TICRR: variants seen among roughly 807,000 people sequenced by gnomAD.
The protein encoded by TICRR is TOPBP1 interacting checkpoint and replication regulator, also known as treslin.
In TICRR, 132 loss-of-function variants were observed where a neutral mutation model predicts 178.1. The observed-to-expected ratio is 0.74, with a 90% CI of 0.64 to 0.86. TICRR has a LOEUF of 0.86. Ranked by LOEUF, TICRR falls within the 40% of genes least tolerant of loss-of-function variation. TICRR has a pLI of 0.00. For synonymous variants in TICRR, 991 were observed against 900.7 expected (o/e 1.10, Z -1.79); for missense variants, 2,587 against 2,334.3 (o/e 1.11, Z -2.23).
At chr15:89,622,670 C>G (rs1963445830) in intron 19 of TICRR, among the ~76,000 whole-genome samples, 1 of 152,186 alleles carries the variant, frequency 6.6e-6, no homozygotes, top group South Asian at 2.1e-4. Flanking sequence ...CAGGGTCTTC[C>G]GTGGTCTGTT....
In TICRR at chr15:89,627,165, C is replaced by A. The variant is rs1470016512; in HGVS notation, c.*79C>A. 30 of 1,565,370 alleles carry A rather than the reference C, an allele frequency of 1.9e-5. No individual in the cohort carries two copies. The highest frequency in any genetic ancestry group is 2.2e-5 in the Non-Finnish European group (25 of 1,146,148). Reference sequence around the variant, plus strand: ...CATAAAGAAGTTGGATGCCTGGTCCCAAGCCTCTTTTGCCATGGTCAGTGT... The same window carrying A: ...CATAAAGAAGTTGGATGCCTGGTCCAAAGCCTCTTTTGCCATGGTCAGTGT... On this transcript the variant is annotated 3_prime_UTR_variant, in exon 22 of 22. Transcript: ENST00000268138.
chr15:89,617,404 T>A (rs1457968491), intron 16 of TICRR, among the ~76,000 whole-genome samples: 1 of 152,236 alleles, frequency 6.6e-6, no homozygotes, highest in Non-Finnish European at 1.5e-5. Context: ...ATGTTGCTGC[T>A]CATTACTGTG....
chr15:89,606,745 T>G (rs1299684553), intron 13 of TICRR, 23 bp from the exon 14 acceptor site: 1 of 1,610,642 alleles, frequency 6.2e-7, no homozygotes, highest in African/African-American at 1.3e-5. Flanking sequence ...TAAATTTTCT[T>G]TCTGGATTTT....
In TICRR at chr15:89,594,482, C is replaced by G. The variant is rs919848685; in HGVS notation, c.1609C>G (p.Leu537Val). 3 of 1,612,692 alleles carry G rather than the reference C, an allele frequency of 1.9e-6. No homozygotes were observed. The highest frequency in any genetic ancestry group is 2.5e-6 in the Non-Finnish European group (3 of 1,179,462). ...SKTEGELIHCLAELYQRKSRE... is the reference protein window; with the variant it reads ...SKTEGELIHCVAELYQRKSRE... ...AACTGAAGGCGAATTAATACATTGCCTTGCCGAGCTCTACCAGAGAAAATC... is the reference window on the plus strand; with the variant it reads ...AACTGAAGGCGAATTAATACATTGCGTTGCCGAGCTCTACCAGAGAAAATC... Residue 537 changes from leucine to valine, a missense_variant, in exon 6 of 22, where the codon CTT becomes GTT. Coordinates refer to ENST00000268138, the MANE Select transcript of TICRR (RefSeq NM_152259.4).
chr15:89,624,085 G>A lies in TICRR; in HGVS notation c.3775G>A (p.Gly1259Ser), dbSNP rs200572844. 1.9e-5 allele frequency: 31 copies of A among 1,613,630 alleles called. No individual in the cohort carries two copies. Among genetic ancestry groups the A allele is most frequent in the Non-Finnish European group, 2.5e-5 (29 of 1,179,984 alleles). Residue 1259 changes from glycine (G) to serine (S), a missense_variant, in exon 20 of 22, where the codon GGC becomes AGC. Transcript: ENST00000268138. The stretch of plus-strand genomic sequence containing the variant: ...ACCTCCGAGAGCAGCAGCCTTCATG[G>A]GCACGCCTCAGAATCAAACACACCA... ...RTPPRAAAFM[G>S]TPQNQTHQQP...
chr15:89,619,998 AG>A (rs1157582677), intron 18 of TICRR, among the ~76,000 whole-genome samples, 156 bp downstream of exon 18: 1 of 152,222 alleles, frequency 6.6e-6, no homozygotes, highest in Non-Finnish European at 1.5e-5. Context: ...CTAGATGGAC[AG>A]TCCATGACTT....
At chr15:89,579,423 G>T (rs964498946) in intron 1 of TICRR, among the ~76,000 whole-genome samples, 1 of 152,140 alleles carries the variant, frequency 6.6e-6, no homozygotes, top group Non-Finnish European at 1.5e-5. Context: ...TCGGCTCACT[G>T]CAACCTCCGC....
rs1200213412 is a variant in TICRR, at chr15:89,627,022, G to A, written c.5669G>A (p.Arg1890Lys). Reference sequence around the variant, plus strand: ...CCTTTCAGTCGCGCTTTCTCCAGGAGGCGCCCCATCAGCAGAACTTATACA... The same window carrying A: ...CCTTTCAGTCGCGCTTTCTCCAGGAAGCGCCCCATCAGCAGAACTTATACA... ...DSPFSRAFSR[R>K]RPISRTYTRK... Residue 1890 changes from arginine to lysine, a missense_variant, in exon 22 of 22, where the codon AGG becomes AAG. Coordinates refer to ENST00000268138, the MANE Select transcript of TICRR (RefSeq NM_152259.4). 6.2e-7 allele frequency: 1 copy of A among 1,613,988 alleles called. No homozygotes were observed. The highest frequency in any genetic ancestry group is 8.5e-7 in the Non-Finnish European group (1 of 1,180,020).
chr15:89,593,394 A>C (rs962835670), intron 5 of TICRR, among the ~76,000 whole-genome samples: 2 of 152,150 alleles, frequency 1.3e-5, no homozygotes, highest in Non-Finnish European at 2.9e-5. Flanking sequence ...GAGTTTGAAG[A>C]TAGTATGATT....
chr15:89,594,300 G>C (rs993027918), intron 5 of TICRR, 115 bp from the exon 6 acceptor site: 11 of 861,872 alleles, frequency 1.3e-5, no homozygotes, highest in Admixed American at 3.0e-5. Flanking sequence ...AAGGCATCTT[G>C]TGGGGACATC....
In TICRR at chr15:89,607,268, AT is replaced by A. The variant is rs1360013883; in HGVS notation, c.2722+447del. Among the ~76,000 whole-genome samples the A allele has an allele frequency of 4.6e-5, 7 of 152,248 alleles. No homozygotes were observed. The East Asian group carries it at 1.3e-3, about 29-fold the overall frequency. The stretch of plus-strand genomic sequence containing the variant: ...ATAATATTGTATCAATGCTAAAGAT[AT>A]TTTGAGTGTAATAATGGCGTTGGGG... On this transcript the variant is annotated intron_variant, in intron 14 of 21. Transcript: ENST00000268138.
intron 12 of TICRR, among the ~76,000 whole-genome samples, chr15:89,602,399 G>A (rs1176450211): frequency 6.6e-6 from 1 of 152,048 alleles, no homozygotes. Flanking sequence ...CATTTATTAG[G>A]TTTCTATATA....
At chr15:89,591,263 A>C (rs1962907644) in intron 4 of TICRR, among the ~76,000 whole-genome samples, 1 of 152,120 alleles carries the variant, frequency 6.6e-6, no homozygotes, top group African/African-American at 2.4e-5. Context: ...AGCTAGGAAT[A>C]CAGGCACCTG....
chr15:89,583,128 T>A (rs1050730974), intron 2 of TICRR, among the ~76,000 whole-genome samples, 163 bp downstream of exon 2: 1 of 151,804 alleles, frequency 6.6e-6, no homozygotes, highest in African/African-American at 2.4e-5. Context: ...AGAGATACTG[T>A]AGGAAAGAGT....
chr15:89,616,608 G>C, intron 16 of TICRR, 113 bp downstream of exon 16: 1 of 782,736 alleles, frequency 1.3e-6, no homozygotes, highest in South Asian at 1.6e-5. Flanking sequence ...TAACTATGTT[G>C]CTTAAAACCA....
intron 18 of TICRR, among the ~76,000 whole-genome samples, chr15:89,620,283 A>C (rs1241216049): frequency 6.6e-6 from 1 of 152,140 alleles, no homozygotes; most frequent in Non-Finnish European, 1.5e-5. Flanking sequence ...AACACAGCTC[A>C]CTGTAGCCTC....
rs745826660 is a variant in TICRR at position 89,625,439 on chromosome 15, C to T, written c.5129C>T (p.Pro1710Leu). Residue 1710 changes from proline (P) to leucine (L), a missense_variant, in exon 20 of 22, where the codon CCT becomes CTT. Physicochemically the swap from Pro to Leu is moderately conservative, Grantham distance 98 (BLOSUM62 -3). Transcript: ENST00000268138. ...SGRGEVGADLPGSLSLLESEG... is the reference protein window; with the variant it reads ...SGRGEVGADLLGSLSLLESEG... ...AGGGGCGAGGTCGGTGCAGACCTTC[C>T]TGGGAGCCTGTCACTGCTTGAGTCA... 6.2e-7 allele frequency: 1 copy of T among 1,613,962 alleles called. No homozygotes were observed. The highest frequency in any genetic ancestry group is 1.3e-5 in the African/African-American group (1 of 75,016).
In TICRR at chr15:89,601,376, A is replaced by G. The variant is rs1963092942; in HGVS notation, c.2232A>G (p.Glu744=). The G allele has an allele frequency of 1.9e-6, 3 of 1,614,066 alleles. No homozygotes were observed. The highest frequency in any genetic ancestry group is 2.2e-5 in the South Asian group (2 of 91,084). The change falls in exon 10 of 22, where the codon GAA becomes GAG. Residue 744 remains glutamate (E), a synonymous_variant. Coordinates refer to ENST00000268138, the MANE Select transcript of TICRR (RefSeq NM_152259.4). ...PSINESTDDM[E]QVVEEVTDLL... is the part of the protein sequence containing the mutation. ...TAAATGAAAGTACAGATGATATGGA[A>G]CAAGTAGTGGAGGAGGCAAGTATAT...
At chr15:89,625,836 G>A (rs1339938131) in intron 20 of TICRR, 50 bp downstream of exon 20, 1 of 1,557,144 alleles carries the variant, frequency 6.4e-7, no homozygotes, top group Non-Finnish European at 8.7e-7. Context: ...TTTGGTCAGA[G>A]TGCTTGACAA....
Sources: allele counts gnomAD v4.1 joint callset (sites outside exome capture counted in the v4.1 genomes callset), GRCh38; gene constraint gnomAD v4.1.1; transcripts MANE v1.5; gene names NCBI Gene and HGNC (gene_info 2026-07-23, HGNC 2026-07-21).